Variants in PKP4 observed in about 807,000 individuals in gnomAD.
The protein encoded by PKP4 is plakophilin 4, also known as plakophilin-4.
A neutral mutation model predicts 145.1 loss-of-function variants in PKP4; 90 were observed. That is an observed-to-expected ratio of 0.62 (90% CI 0.52 to 0.74). The LOEUF is 0.74. Among genes scored for constraint, PKP4 ranks in the 30% least tolerant of loss-of-function variants. PKP4 has a pLI of 0.00. For synonymous variants in PKP4, 563 were observed against 577.2 expected, an observed-to-expected ratio of 0.98 and a Z score of 0.35; for missense variants, 1,340 against 1,482.7, an observed-to-expected ratio of 0.90 and a Z score of 1.58.
chr2:158,472,583 A>T (rs916119985), intron 1 of PKP4, among the ~76,000 whole-genome samples: 1 of 141,886 alleles, frequency 7.0e-6, no homozygotes, highest in Admixed American at 7.6e-5. Context: ...ACTGCACTCC[A>T]GCCTGGGACA....
intron 7 of PKP4, among the ~76,000 whole-genome samples, chr2:158,628,428 T>C (rs2053026460): frequency 6.6e-6 from 1 of 152,228 alleles, no homozygotes; most frequent in South Asian, 2.1e-4. Context: ...TGCTAATCTA[T>C]AGGACTGTGT....
At chr2:158,619,540 A>G (rs151250020) in intron 4 of PKP4, among the ~76,000 whole-genome samples, 1 of 152,264 alleles carries the variant, frequency 6.6e-6, no homozygotes, top group East Asian at 1.9e-4. Context: ...TCTCCCTTAA[A>G]CCTTGTATTC....
chr2:158,585,890 C>CA (rs370996666), intron 3 of PKP4, among the ~76,000 whole-genome samples: 69,253 of 133,068 alleles, frequency 0.52, 17,766 homozygotes, highest in South Asian at 0.69. Context: ...TTTATCATTC[C>CA]AAAAAAAAAA....
chr2:158,564,629 T>C lies in PKP4; in HGVS notation c.133-12642T>C, dbSNP rs553205207. 4.6e-5 allele frequency among the ~76,000 whole-genome samples: 7 copies of C among 152,176 alleles called. No homozygotes were observed. The South Asian group carries it at 1.2e-3, about 27-fold the overall frequency. Reference sequence around the variant, plus strand: ...TGAACAGTACGTGTAAGTGCCCATTTCCCCCCAGTTCCTCACCAGCCCTGG... The same window carrying C: ...TGAACAGTACGTGTAAGTGCCCATTCCCCCCCAGTTCCTCACCAGCCCTGG... On this transcript the variant is annotated intron_variant, in intron 2 of 21. Coordinates refer to ENST00000389759, the MANE Select transcript of PKP4 (RefSeq NM_003628.6).
intron 20 of PKP4, among the ~76,000 whole-genome samples, chr2:158,678,069 G>A (rs1360885978): frequency 6.6e-6 from 1 of 152,182 alleles, no homozygotes; most frequent in African/African-American, 2.4e-5. Context: ...AAATATGCCA[G>A]GTACAAGACT....
intron 3 of PKP4, among the ~76,000 whole-genome samples, chr2:158,580,560 A>C (rs867853545): frequency 3.6e-4 from 55 of 152,324 alleles, no homozygotes; most frequent in Admixed American, 1.2e-3. Flanking sequence ...TAGATCTTTA[A>C]AGGAGACCAA....
rs565455476 is a variant in PKP4, at chr2:158,549,111, T to C, written c.132+15795T>C. 136 of 200,372 alleles carry C rather than the reference T, an allele frequency of 6.8e-4. 1 individual carries two copies. Among genetic ancestry groups the C allele is most frequent in the Non-Finnish European group, 8.5e-4 (80 of 93,584 alleles). 12.4% of individuals were successfully genotyped at this position (200,372 alleles called of 1,614,324 possible). A position where few individuals can be genotyped will look rare whatever the true frequency, so the allele number is the denominator to read the frequency against. On this transcript the variant is annotated intron_variant, in intron 2 of 21. Coordinates refer to ENST00000389759, the MANE Select transcript of PKP4 (RefSeq NM_003628.6). The stretch of plus-strand genomic sequence containing the variant: ...TATCAGGACCAATTACAATGATAGA[T>C]ATGATGAGATCCGCCATCACTGGGG...
intron 2 of PKP4, among the ~76,000 whole-genome samples, chr2:158,567,558 G>C (rs1295588027): frequency 1.3e-5 from 2 of 152,206 alleles, no homozygotes; most frequent in South Asian, 4.1e-4. Flanking sequence ...AGGCAAGTCA[G>C]TTCTCTATGA....
chr2:158,486,548 T>C (rs748705471), intron 1 of PKP4, among the ~76,000 whole-genome samples: 2 of 152,232 alleles, frequency 1.3e-5, no homozygotes, highest in Non-Finnish European at 2.9e-5. Flanking sequence ...TTACTAAGAA[T>C]GTGGAAGGTA....
chr2:158,579,413 G>C (rs1055724866), intron 3 of PKP4, among the ~76,000 whole-genome samples: 1 of 150,436 alleles, frequency 6.6e-6, no homozygotes, highest in African/African-American at 2.5e-5. Flanking sequence ...TGCTTTGTTC[G>C]TCATGTATTT....
intron 2 of PKP4, among the ~76,000 whole-genome samples, chr2:158,556,210 G>A (rs956339639): frequency 1.3e-5 from 2 of 152,216 alleles, no homozygotes; most frequent in African/African-American, 4.8e-5. Context: ...GTGATTGTAT[G>A]TGTGAAAAAT....
intron 1 of PKP4, among the ~76,000 whole-genome samples, chr2:158,511,008 G>A (rs780541815): frequency 1.8e-4 from 27 of 152,326 alleles, no homozygotes; most frequent in South Asian, 1.0e-3. Flanking sequence ...AGAGTGGTAG[G>A]GGAAGGCCTC....
Position 158,487,535 on chromosome 2 carries a change from A to G in PKP4, c.-6+30317A>G, listed in dbSNP as rs76937844. 5.0e-3 allele frequency among the ~76,000 whole-genome samples: 769 copies of G among 152,346 alleles called. 5 individuals are homozygous for G. Among genetic ancestry groups the G allele is most frequent in the African/African-American group, 0.018 (739 of 41,592 alleles). On this transcript the variant is annotated intron_variant, in intron 1 of 21. Transcript: ENST00000389759. ...GCTATGAGTTAATATGGGAGGTGTC[A>G]TATGCATAAAGTACCCATGAGTTTA...
intron 1 of PKP4, among the ~76,000 whole-genome samples, chr2:158,502,151 AATCATGAAATGATTTTTTTTCATG>A (rs1031787836): frequency 1.3e-5 from 2 of 152,188 alleles, no homozygotes; most frequent in African/African-American, 2.4e-5. Context: ...ATTTTTAAAA[AATCATGAAATGATTTTTTTTCATG>A]ATCATGAAAT....
At chr2:158,637,748 A>G (rs1419380774) in intron 9 of PKP4, among the ~76,000 whole-genome samples, 3 of 152,228 alleles carry the variant, frequency 2.0e-5, no homozygotes, top group Non-Finnish European at 2.9e-5. Flanking sequence ...ATAATTGTTT[A>G]TGGTGGGAGG....
chr2:158,642,789 G>T, intron 11 of PKP4, 90 bp downstream of exon 11: 1 of 900,188 alleles, frequency 1.1e-6, no homozygotes, highest in Non-Finnish European at 1.7e-6. Flanking sequence ...AAGAGTTGGA[G>T]GTTCCAGGTA....
intron 2 of PKP4, among the ~76,000 whole-genome samples, chr2:158,574,194 T>A (rs2047650172): frequency 6.6e-6 from 1 of 152,252 alleles, no homozygotes; most frequent in South Asian, 2.1e-4. Flanking sequence ...GCCTTGACTT[T>A]CTAAAGTCGT....
chr2:158,637,041 T>G (rs1195795627), intron 9 of PKP4, among the ~76,000 whole-genome samples: 2 of 152,196 alleles, frequency 1.3e-5, no homozygotes, highest in Admixed American at 6.5e-5. Flanking sequence ...TTTCTTCTCA[T>G]GTTTAGTCAT....
rs73966686 is a variant in PKP4, at chr2:158,532,879, C to T, written c.-5-301C>T. 0.032 allele frequency among the ~76,000 whole-genome samples: 4,828 copies of T among 152,254 alleles called. 166 individuals carry two copies. The highest frequency in any genetic ancestry group is 0.13 in the East Asian group (694 of 5,182). On this transcript the variant is annotated intron_variant, in intron 1 of 21. Transcript: ENST00000389759. ...TTTTTCTTTTCTGTTGCAAAAACCT[C>T]TTCTGCAATTGGTAAAACATTCTTC...
Sources: allele counts gnomAD v4.1 joint callset (sites outside exome capture counted in the v4.1 genomes callset), GRCh38; gene constraint gnomAD v4.1.1; transcripts MANE v1.5; gene names NCBI Gene and HGNC (gene_info 2026-07-23, HGNC 2026-07-21).